Variants in SMIM17 observed in about 807,000 individuals in gnomAD.
SMIM17 encodes the protein small integral membrane protein 17.
In SMIM17, 10 loss-of-function variants were observed where a neutral mutation model predicts 12.2. The ratio of observed to expected loss-of-function variants is 0.82; its 90% CI spans 0.50 to 1.39. SMIM17 has a LOEUF of 1.39. Ranked by LOEUF, SMIM17 falls within the 40% of genes most tolerant of loss-of-function variation. The pLI, the probability that SMIM17 is intolerant of heterozygous loss-of-function variation, is 0.00. For synonymous variants in SMIM17, 50 were observed against 44.1 expected, an observed-to-expected ratio of 1.13 and a Z score of -0.53; for missense variants, 136 against 118.2, an observed-to-expected ratio of 1.15 and a Z score of -0.70.
chr19:56,645,477 T>C (rs943946916), intron 1 of SMIM17, 91 bp from the exon 2 acceptor site: 2 of 463,758 alleles, frequency 4.3e-6, no homozygotes, highest in African/African-American at 4.0e-5. Context: ...GAATCTCCAC[T>C]TGATTACTGC....
intron 3 of SMIM17, among the ~76,000 whole-genome samples, chr19:56,654,570 T>C (rs916590489): frequency 6.6e-6 from 1 of 152,158 alleles, no homozygotes; most frequent in Non-Finnish European, 1.5e-5. Context: ...ATGTCTTGAA[T>C]GTGGGTGGTG....
chr19:56,649,345 G>A (rs1169843599), intron 3 of SMIM17, among the ~76,000 whole-genome samples: 1 of 152,236 alleles, frequency 6.6e-6, no homozygotes, highest in Non-Finnish European at 1.5e-5. Context: ...TCAGTGCCAA[G>A]CAGTGTTCAA....
chr19:56,650,414 C>T (rs780249968), intron 3 of SMIM17, among the ~76,000 whole-genome samples: 2 of 152,116 alleles, frequency 1.3e-5, no homozygotes, highest in Non-Finnish European at 2.9e-5. Context: ...CCTCGTAATC[C>T]GCCCACCTCG....
chr19:56,646,973 G>A (rs2045068316), intron 2 of SMIM17, among the ~76,000 whole-genome samples: 1 of 152,170 alleles, frequency 6.6e-6, no homozygotes. Context: ...CTGCTAGTGA[G>A]GCTTGGAGCT....
chr19:56,649,211 G>A (rs1044133001), intron 3 of SMIM17, among the ~76,000 whole-genome samples: 11 of 152,340 alleles, frequency 7.2e-5, no homozygotes, highest in Admixed American at 1.3e-4. Context: ...GCACAGGCAA[G>A]TTGGTATAAC....
At position 56,645,657 on chromosome 19, in the gene SMIM17, C is replaced by A. The variant is rs1482024986; in HGVS notation, c.-11C>A. The A allele has an allele frequency of 2.7e-6, 4 of 1,477,830 alleles. No homozygotes were observed. In the East Asian group the frequency reaches 1.0e-4, roughly 38 times the overall value. 91.5% of individuals were successfully genotyped at this position (1,477,830 alleles called of 1,614,324 possible). A position where few individuals can be genotyped will look rare whatever the true frequency, so the allele number is the denominator to read the frequency against. ...AAGCTTGTCTCAGAAGCTCCACCTCCTCCTGGGGCAATGCAGAGTCTCAGG... is the reference window on the plus strand; with the variant it reads ...AAGCTTGTCTCAGAAGCTCCACCTCATCCTGGGGCAATGCAGAGTCTCAGG... On this transcript the variant is annotated 5_prime_UTR_variant, in exon 2 of 4. Coordinates refer to ENST00000598409, the MANE Select transcript of SMIM17 (RefSeq NM_001193628.2).
At chr19:56,644,799 GTC>G (rs2045049394) in intron 1 of SMIM17, among the ~76,000 whole-genome samples, 1 of 152,188 alleles carries the variant, frequency 6.6e-6, no homozygotes. Context: ...TTTTGAGAGA[GTC>G]TTTCTCTCTT....
intron 1 of SMIM17, among the ~76,000 whole-genome samples, chr19:56,645,266 TATGTGTGG>T (rs1281350850): frequency 1.3e-5 from 2 of 151,958 alleles, no homozygotes; most frequent in African/African-American, 2.4e-5. Context: ...TGTGTGTGTG[TATGTGTGG>T]ATGTGTTTAT....
chr19:56,648,158 CCA>C (rs2045080880), intron 3 of SMIM17, among the ~76,000 whole-genome samples: 2 of 149,276 alleles, frequency 1.3e-5, no homozygotes, highest in Non-Finnish European at 3.0e-5. Context: ...ATCCATCCAT[CCA>C]TCCATCCATC....
In SMIM17 at chr19:56,655,330, T is replaced by G. The variant is rs2045141522; in HGVS notation, c.*117T>G. 2 of 523,096 alleles carry G rather than the reference T, an allele frequency of 3.8e-6. No homozygotes were observed. The allele number at this position is 523,096 out of a possible 1,614,324, so 32.4% of individuals were successfully genotyped here. ...TAGGTGTTGAATATTTTCAAATGCC[T>G]TTCAAACATCCTTTGAGATGATTTT... On this transcript the variant is annotated 3_prime_UTR_variant, in exon 4 of 4. Transcript: ENST00000598409.
chr19:56,644,674 G>GCCATTTGTTTC (rs2045048330), intron 1 of SMIM17, among the ~76,000 whole-genome samples: 1 of 152,162 alleles, frequency 6.6e-6, no homozygotes, highest in Admixed American at 6.5e-5. Flanking sequence ...TATATCCACT[G>GCCATTTGTTTC]CCATTTGTTC....
At chr19:56,652,026 C>G (rs1268718529) in intron 3 of SMIM17, among the ~76,000 whole-genome samples, 2 of 141,874 alleles carry the variant, frequency 1.4e-5, no homozygotes, top group South Asian at 4.4e-4. Context: ...ATCGCTTGAA[C>G]CTGGGAGGCA....
At position 56,656,234 on chromosome 19, in the gene SMIM17, G is replaced by T. The variant is rs538631919; in HGVS notation, c.*1021G>T. On this transcript the variant is annotated 3_prime_UTR_variant, in exon 4 of 4. Transcript: ENST00000598409. ...GCTGGGATTACAGATGTGAGCCACC[G>T]TGCCCAGCCCAGAGTTCTTTTATCC... 6.6e-6 allele frequency among the ~76,000 whole-genome samples: 1 copy of T among 152,004 alleles called. No individual in the cohort carries two copies. The highest frequency in any genetic ancestry group is 2.4e-5 in the African/African-American group (1 of 41,410).
In SMIM17 at chr19:56,656,760, TA is replaced by T. The variant is rs1374334292; in HGVS notation, c.*1548del. ...TGCTTTGAAACTCAGTGATTTGGTT[TA>T]TTTTTTGTTTAAAAATAGTTTTGTT... On this transcript the variant is annotated 3_prime_UTR_variant, in exon 4 of 4. Coordinates refer to ENST00000598409, the MANE Select transcript of SMIM17 (RefSeq NM_001193628.2). Among the ~76,000 whole-genome samples the T allele has an allele frequency of 6.6e-6, 1 of 152,254 alleles. No individual in the cohort carries two copies. Among genetic ancestry groups the T allele is most frequent in the East Asian group, 1.9e-4 (1 of 5,204 alleles).
intron 3 of SMIM17, 84 bp downstream of exon 3, chr19:56,647,718 G>T: frequency 4.4e-6 from 5 of 1,142,348 alleles, no homozygotes; most frequent in South Asian, 2.8e-5. Flanking sequence ...TCTCAGCTTG[G>T]AATTTACCTG....
At chr19:56,647,190 G>A (rs2045069843) in intron 2 of SMIM17, among the ~76,000 whole-genome samples, 1 of 152,088 alleles carries the variant, frequency 6.6e-6, no homozygotes, top group Non-Finnish European at 1.5e-5. Context: ...TCTGCTGGGG[G>A]CCTGTAGAGA....
At chr19:56,645,969 T>G (rs571125277) in intron 2 of SMIM17, 133 bp downstream of exon 2, 84 of 1,046,232 alleles carry the variant, frequency 8.0e-5, no homozygotes, top group Admixed American at 5.6e-4. Context: ...GTCAGTCAGC[T>G]TTTGCTGTGT....
intron 2 of SMIM17, among the ~76,000 whole-genome samples, chr19:56,647,132 C>T (rs2045069494): frequency 6.6e-6 from 1 of 152,156 alleles, no homozygotes; most frequent in Admixed American, 6.5e-5. Flanking sequence ...AAGCCTCCAT[C>T]ATCCTGGTTT....
chr19:56,648,298 T>C (rs980950651), intron 3 of SMIM17, among the ~76,000 whole-genome samples: 1 of 144,732 alleles, frequency 6.9e-6, no homozygotes, highest in Non-Finnish European at 1.5e-5. Flanking sequence ...CATCTACCCA[T>C]TGAACATCCA....
Sources: gnomAD v4.1 joint callset for allele counts (sites outside exome capture counted in the v4.1 genomes callset) on GRCh38, gnomAD v4.1.1 for gene constraint, MANE v1.5 for transcripts, NCBI Gene and HGNC (gene_info 2026-07-23, HGNC 2026-07-21) for gene names.